SIGLEC15: variants seen among roughly 807,000 people sequenced by gnomAD.
The protein encoded by SIGLEC15 is sialic acid-binding Ig-like lectin 15.
SIGLEC15 carries 31 observed loss-of-function variants against 26.2 expected under a neutral mutation model. The ratio of observed to expected loss-of-function variants is 1.18; its 90% confidence interval spans 0.89 to 1.60. SIGLEC15 has a LOEUF of 1.60. SIGLEC15 is among the 40% of genes most tolerant of loss of function. The pLI, the probability that SIGLEC15 is intolerant of heterozygous loss-of-function variation, is 0.00. For missense variants in SIGLEC15, 501 were observed against 488.4 expected, an observed-to-expected ratio of 1.03 and a Z score of -0.24; for synonymous variants, 207 against 221.9, an observed-to-expected ratio of 0.93 and a Z score of 0.60.
At chr18:45,826,168 A>T (rs146704434) in intron 1 of SIGLEC15, among the ~76,000 whole-genome samples, 303 of 152,040 alleles carry the variant, frequency 2.0e-3, no homozygotes, top group African/African-American at 7.0e-3. Context: ...AGCCTGAGGA[A>T]GAAGGGCGGG....
At chr18:45,839,183 A>T (rs1313808593) in intron 4 of SIGLEC15, 88 bp downstream of exon 4, 13 of 1,324,556 alleles carry the variant, frequency 9.8e-6, no homozygotes, top group Admixed American at 4.2e-5. Context: ...ACCCCCTGGC[A>T]CTGCCAGAAT....
chr18:45,837,857 C>G lies in SIGLEC15; in HGVS notation c.457C>G (p.Arg153Gly), dbSNP rs1375600630. ...CGAGTTCGCCGGCGACGTCCATGAC[C>G]GCTACGAGAGCCGCCACGGCGTCCG... ...RVEFAGDVHD[R>G]YESRHGVRLH... Residue 153 changes from arginine to glycine, a missense_variant, in exon 3 of 6, where the codon CGC becomes GGC. Coordinates refer to ENST00000389474, the MANE Select transcript of SIGLEC15 (RefSeq NM_213602.3). 1.3e-6 allele frequency: 2 copies of G among 1,538,682 alleles called. No individual in the cohort carries two copies. Among genetic ancestry groups the G allele is most frequent in the Non-Finnish European group, 1.7e-6 (2 of 1,153,348 alleles).
At chr18:45,825,967 G>A (rs2048182124) in intron 1 of SIGLEC15, among the ~76,000 whole-genome samples, 187 bp downstream of exon 1, 1 of 152,198 alleles carries the variant, frequency 6.6e-6, no homozygotes, top group Admixed American at 6.5e-5. Flanking sequence ...CTGTGTCTTG[G>A]ATTTCAGGTG....
At position 45,838,794 on chromosome 18, in the gene SIGLEC15, G is replaced by C; in HGVS notation, c.573G>C (p.Gly191=). 1.3e-6 allele frequency: 2 copies of C among 1,561,274 alleles called. No homozygotes were observed. Among genetic ancestry groups the C allele is most frequent in the South Asian group, 1.2e-5 (1 of 86,300 alleles). Residue 191 remains glycine, a synonymous_variant, in exon 4 of 6, where the codon GGG becomes GGC. Coordinates refer to ENST00000389474, the MANE Select transcript of SIGLEC15 (RefSeq NM_213602.3). ...HAFRALCTAE[G]EPPPALAWSG... is the part of the protein sequence containing the mutation. ...TCCGCGCGCTCTGCACTGCCGAAGGGGAGCCGCCGCCCGCCCTCGCCTGGT... is the reference window on the plus strand; with the variant it reads ...TCCGCGCGCTCTGCACTGCCGAAGGCGAGCCGCCGCCCGCCCTCGCCTGGT...
rs76418986 is a variant in SIGLEC15 at position 45,836,638 on chromosome 18, G to A, written c.53-391G>A. Among the ~76,000 whole-genome samples, 868 of 152,330 alleles carry A rather than the reference G, an allele frequency of 5.7e-3. 6 individuals are homozygous for A. Among genetic ancestry groups the A allele is most frequent in the African/African-American group, 0.02 (834 of 41,560 alleles). On this transcript the variant is annotated intron_variant, in intron 1 of 5. Coordinates refer to ENST00000389474, the MANE Select transcript of SIGLEC15 (RefSeq NM_213602.3). Reference sequence around the variant, plus strand: ...GTGGGGAATGGGGAAACTGTTCAGAGGTGCTTGCACAGAGCAAGGAGGCAG... The same window carrying A: ...GTGGGGAATGGGGAAACTGTTCAGAAGTGCTTGCACAGAGCAAGGAGGCAG...
intron 4 of SIGLEC15, among the ~76,000 whole-genome samples, chr18:45,839,808 C>T (rs1239620700): frequency 6.6e-6 from 1 of 152,184 alleles, no homozygotes; most frequent in African/African-American, 2.4e-5. Flanking sequence ...GAAATCTGCC[C>T]TGTGCCCCAG....
chr18:45,836,250 C>T (rs2048275297), intron 1 of SIGLEC15, among the ~76,000 whole-genome samples: 2 of 152,152 alleles, frequency 1.3e-5, no homozygotes, highest in Admixed American at 1.3e-4. Flanking sequence ...CATTTTCTCA[C>T]CTTTAATAAT....
chr18:45,835,827 C>T (rs2048271637), intron 1 of SIGLEC15, among the ~76,000 whole-genome samples: 1 of 152,100 alleles, frequency 6.6e-6, no homozygotes, highest in South Asian at 2.1e-4. Context: ...CACCTGGAGC[C>T]CCCAGGCTCA....
chr18:45,839,730 G>C (rs978849516), intron 4 of SIGLEC15, among the ~76,000 whole-genome samples: 1 of 152,206 alleles, frequency 6.6e-6, no homozygotes, highest in African/African-American at 2.4e-5. Flanking sequence ...CTTCCTAGCA[G>C]AGATCATGGT....
intron 1 of SIGLEC15, among the ~76,000 whole-genome samples, chr18:45,829,622 C>T (rs1183694363): frequency 1.3e-5 from 2 of 152,138 alleles, no homozygotes; most frequent in East Asian, 1.9e-4. Context: ...GTGCCACCCC[C>T]GGAGCCACAC....
At chr18:45,831,527 G>A (rs748489425) in intron 1 of SIGLEC15, among the ~76,000 whole-genome samples, 9 of 152,140 alleles carry the variant, frequency 5.9e-5, no homozygotes, top group Non-Finnish European at 1.0e-4. Context: ...TCAACCTAAC[G>A]AGGAGGCTAT....
chr18:45,837,411 G>A (rs2048284141), intron 2 of SIGLEC15, 102 bp from the exon 3 acceptor site: 3 of 1,373,128 alleles, frequency 2.2e-6, no homozygotes, highest in Non-Finnish European at 2.8e-6. Context: ...TTCCAGGCTA[G>A]GGGTTGGGGG....
At chr18:45,832,123 T>C (rs2048240818) in intron 1 of SIGLEC15, among the ~76,000 whole-genome samples, 1 of 152,234 alleles carries the variant, frequency 6.6e-6, no homozygotes, top group Non-Finnish European at 1.5e-5. Flanking sequence ...GGAAGGGAAC[T>C]AACACATATG....
rs767588812 is a variant in SIGLEC15 at position 45,825,707 on chromosome 18, G to A, written c.-22G>A. Reference sequence around the variant, plus strand: ...AGGTGGCCGAGAGCGGGTCTGGCCTGGGGTGTTCAGATGCTCACAGCATGG... The same window carrying A: ...AGGTGGCCGAGAGCGGGTCTGGCCTAGGGTGTTCAGATGCTCACAGCATGG... On this transcript the variant is annotated 5_prime_UTR_variant, in exon 1 of 6. Transcript: ENST00000389474. 8 of 1,614,094 alleles carry A rather than the reference G, an allele frequency of 5.0e-6. No homozygotes were observed. Among genetic ancestry groups the A allele is most frequent in the Non-Finnish European group, 6.8e-6 (8 of 1,179,936 alleles).
intron 5 of SIGLEC15, 65 bp downstream of exon 5, chr18:45,840,306 T>G: frequency 6.5e-7 from 1 of 1,533,640 alleles, no homozygotes; most frequent in South Asian, 1.2e-5. Context: ...ACCCAGGGGG[T>G]CCAGGCAGGA....
At chr18:45,826,908 C>CTGTT (rs920882955) in intron 1 of SIGLEC15, among the ~76,000 whole-genome samples, 9 of 152,234 alleles carry the variant, frequency 5.9e-5, no homozygotes, top group Admixed American at 3.9e-4. Flanking sequence ...GAAAGGAACT[C>CTGTT]TGTTTGTTTG....
Position 45,843,079 on chromosome 18 carries a change from C to T in SIGLEC15, c.*892C>T, listed in dbSNP as rs2048338661. The stretch of plus-strand genomic sequence containing the variant: ...ACCCCTAGGAAATGGAAACCAGGCT[C>T]CCCTCTCTCAAGGTATCTGGGAACC... On this transcript the variant is annotated 3_prime_UTR_variant, in exon 6 of 6. Transcript: ENST00000389474. The T allele has an allele frequency of 6.6e-6, 1 of 152,270 alleles. No individual in the cohort carries two copies. The highest frequency in any genetic ancestry group is 1.5e-5 in the Non-Finnish European group (1 of 68,122). The allele number at this position is 152,270 out of a possible 1,614,324, so 9.4% of individuals were successfully genotyped here.
At position 45,839,024 on chromosome 18, in the gene SIGLEC15, T is replaced by C. The variant is rs765476164; in HGVS notation, c.803T>C (p.Leu268Pro). ...GGGGCCTCGACGGTCGCCCTCCTGC[T>C]CGGCGCTCTCGGCTTCAAGGCGCTG... ...ASGASTVALL[L>P]GALGFKALLL... The change falls in exon 4 of 6, where the codon CTC (leucine) becomes CCC (proline). Residue 268 changes from leucine (L) to proline (P), a missense_variant. Physicochemically the swap from Leu to Pro is moderately conservative, Grantham distance 98. Transcript: ENST00000389474. 5 of 1,575,764 alleles carry C rather than the reference T, an allele frequency of 3.2e-6. No homozygotes were observed. Among genetic ancestry groups the C allele is most frequent in the Non-Finnish European group, 4.3e-6 (5 of 1,169,146 alleles).
At chr18:45,826,186 T>C (rs2048183747) in intron 1 of SIGLEC15, among the ~76,000 whole-genome samples, 1 of 151,324 alleles carries the variant, frequency 6.6e-6, no homozygotes, top group African/African-American at 2.4e-5. Context: ...GGGGAGTGCA[T>C]GGGCGTTTGG....
Sources: allele counts gnomAD v4.1 joint callset (sites outside exome capture counted in the v4.1 genomes callset), GRCh38; gene constraint gnomAD v4.1.1; transcripts MANE v1.5; gene names NCBI Gene and HGNC (gene_info 2026-07-23, HGNC 2026-07-21).